Variants in TFEC observed in about 807,000 individuals in gnomAD.
The protein encoded by TFEC is class E basic helix-loop-helix protein 34.
A neutral mutation model predicts 41.6 loss-of-function variants in TFEC; 31 were observed. The ratio of observed to expected loss-of-function variants is 0.74; its 90% confidence interval spans 0.56 to 1.01. The LOEUF (loss-of-function observed/expected upper bound fraction) is 1.01, where lower values mean the gene tolerates loss of function less well. Among genes scored for constraint, TFEC ranks in the 50% least tolerant of loss-of-function variants. TFEC has a pLI of 0.00. For synonymous variants in TFEC, 143 were observed against 140.6 expected, an observed-to-expected ratio of 1.02 and a Z score of -0.12; for missense variants, 402 against 404.1, an observed-to-expected ratio of 0.99 and a Z score of 0.04.
At chr7:116,034,289 A>C (rs1387914247), upstream of TFEC, among the ~76,000 whole-genome samples, 1 of 151,990 alleles carries the variant, frequency 6.6e-6, no homozygotes, top group African/African-American at 2.4e-5. Context: ...TCTATATGCT[A>C]ATGACTCTCA....
intron 3 of TFEC, among the ~76,000 whole-genome samples, chr7:115,970,324 T>C (rs1028789057): frequency 6.6e-6 from 1 of 151,962 alleles, no homozygotes; most frequent in Non-Finnish European, 1.5e-5. Flanking sequence ...AGTTTGCTAT[T>C]GATTGCTATT....
intron 3 of TFEC, among the ~76,000 whole-genome samples, chr7:116,085,591 GA>G (rs1797186064): frequency 6.6e-6 from 1 of 151,838 alleles, no homozygotes; most frequent in Non-Finnish European, 1.5e-5. Flanking sequence ...TGGCTTGGAT[GA>G]AAATATGTTT....
rs10714429 is a variant in TFEC, at chr7:116,023,083, C to CAA, written c.-73+7548_-73+7549dup. Reference sequence around the variant, plus strand: ...AATAACAAATTTCTGGTTCTTCCAGCAAAAAAAAAAAAAAGAGTGGTTTAT... The same window carrying CAA: ...AATAACAAATTTCTGGTTCTTCCAGCAAAAAAAAAAAAAAAAGAGTGGTTTAT... On this transcript the variant is annotated intron_variant, in intron 1 of 7. Transcript: ENST00000265440. Among the ~76,000 whole-genome samples the CAA allele has an allele frequency of 2.3e-4, 31 of 135,152 alleles. 1 individual carries two copies. The highest frequency in any genetic ancestry group is 1.8e-3 in the East Asian group (8 of 4,448). 88.7% of individuals were successfully genotyped at this position (135,152 alleles called of 152,430 possible).
At chr7:115,966,549 T>C (rs535386470) in intron 3 of TFEC, among the ~76,000 whole-genome samples, 2 of 151,846 alleles carry the variant, frequency 1.3e-5, no homozygotes, top group East Asian at 3.9e-4. Flanking sequence ...AAACATAAAA[T>C]AATTAAAGCT....
intron 1 of TFEC, among the ~76,000 whole-genome samples, chr7:116,021,047 T>A (rs1795375842): frequency 6.6e-6 from 1 of 152,198 alleles, no homozygotes; most frequent in Non-Finnish European, 1.5e-5. Flanking sequence ...ATTCCTTCCA[T>A]CCTTATGGTG....
intron 1 of TFEC, among the ~76,000 whole-genome samples, chr7:116,147,657 T>C (rs554654083): frequency 1.2e-3 from 174 of 151,278 alleles, no homozygotes; most frequent in Non-Finnish European, 1.8e-3. Context: ...ATGCGGTGTT[T>C]GGTTTTTTGT....
At chr7:116,146,561 G>A (rs1374405231) in intron 1 of TFEC, among the ~76,000 whole-genome samples, 1 of 152,120 alleles carries the variant, frequency 6.6e-6, no homozygotes, top group Non-Finnish European at 1.5e-5. Flanking sequence ...ATTAGAAAAT[G>A]CAGATTAAAG....
chr7:116,132,771 C>G (rs1798358166), intron 1 of TFEC, among the ~76,000 whole-genome samples: 1 of 152,184 alleles, frequency 6.6e-6, no homozygotes, highest in Admixed American at 6.5e-5. Context: ...AGCGTTAAAA[C>G]AACTTTTAAA....
chr7:115,961,217 G>A (rs1792530797), intron 3 of TFEC, among the ~76,000 whole-genome samples: 1 of 151,498 alleles, frequency 6.6e-6, no homozygotes, highest in South Asian at 2.1e-4. Flanking sequence ...AGTACATATG[G>A]AACATATACA....
intron 1 of TFEC, among the ~76,000 whole-genome samples, chr7:116,139,228 C>T (rs1233578664): frequency 1.3e-5 from 2 of 152,162 alleles, no homozygotes. Context: ...GTTTCTGCCC[C>T]AGAGCAAGAG....
At chr7:116,126,282 T>G (rs1395918273) in intron 1 of TFEC, among the ~76,000 whole-genome samples, 2 of 152,064 alleles carry the variant, frequency 1.3e-5, no homozygotes, top group African/African-American at 4.8e-5. Context: ...GACAAATCAA[T>G]TTTTTACTCA....
chr7:115,972,407 C>A (rs528387633), intron 3 of TFEC, among the ~76,000 whole-genome samples: 1 of 152,060 alleles, frequency 6.6e-6, no homozygotes, highest in African/African-American at 2.4e-5. Flanking sequence ...AGGCAGGTTA[C>A]GTGATTTGCA....
intron 3 of TFEC, among the ~76,000 whole-genome samples, chr7:116,069,084 T>C (rs986681616): frequency 4.0e-5 from 6 of 151,698 alleles, no homozygotes; most frequent in Admixed American, 3.3e-4. Flanking sequence ...TGAACTGTCA[T>C]ATATAGAAAG....
chr7:115,947,386 G>C (rs1191135782), intron 6 of TFEC, among the ~76,000 whole-genome samples: 1 of 151,088 alleles, frequency 6.6e-6, no homozygotes, highest in East Asian at 2.0e-4. Flanking sequence ...ACATACGTGT[G>C]CATGTGTCTT....
At chr7:116,030,980 A>AAAGCTCT (rs1265989459), upstream of TFEC, among the ~76,000 whole-genome samples, 1 of 152,158 alleles carries the variant, frequency 6.6e-6, no homozygotes, top group African/African-American at 2.4e-5. Flanking sequence ...GGCCACAGTA[A>AAAGCTCT]AAGCTCTTGT....
chr7:115,948,682 A>T (rs1276254130), intron 6 of TFEC, among the ~76,000 whole-genome samples: 1 of 151,372 alleles, frequency 6.6e-6, no homozygotes, highest in Non-Finnish European at 1.5e-5. Flanking sequence ...TAAATTAGGT[A>T]TTGATGGGAC....
rs1354455342 is a variant in TFEC at position 116,145,566 on chromosome 7, T to C, written c.-69+14224A>G. On this transcript the variant is annotated intron_variant, in intron 1 of 8. Transcript: ENST00000484212. ...CAGGCAATTCTTAGAAGCCAGAGTA[T>C]TTCTACACAAATACCAAGATCCTAG... Among the ~76,000 whole-genome samples, 4 of 152,206 alleles carry C rather than the reference T, an allele frequency of 2.6e-5. No individual in the cohort carries two copies. The South Asian group carries it at 6.2e-4, about 24-fold the overall frequency.
intron 3 of TFEC, among the ~76,000 whole-genome samples, chr7:115,959,736 A>T (rs973688048): frequency 2.6e-5 from 4 of 151,710 alleles, no homozygotes; most frequent in Non-Finnish European, 4.4e-5. Flanking sequence ...CATAATGGAA[A>T]CAATAAAAAA....
At chr7:116,094,092 C>G (rs1199405469) in intron 3 of TFEC, among the ~76,000 whole-genome samples, 1 of 152,076 alleles carries the variant, frequency 6.6e-6, no homozygotes, top group Non-Finnish European at 1.5e-5. Context: ...AGATTGGACA[C>G]CAACAGAATA....
Sources: gnomAD v4.1 joint callset for allele counts (sites outside exome capture counted in the v4.1 genomes callset) on GRCh38, gnomAD v4.1.1 for gene constraint, MANE v1.5 for transcripts, NCBI Gene and HGNC (gene_info 2026-07-23, HGNC 2026-07-21) for gene names.